The following PTPRD variants were observed in gnomAD, a reference collection of about 807,000 sequenced individuals.
PTPRD encodes the protein receptor-type tyrosine-protein phosphatase delta.
In PTPRD, 34 loss-of-function variants were observed where a neutral mutation model predicts 214.5. That is an observed-to-expected ratio of 0.16 (90% CI 0.12 to 0.21). The LOEUF (loss-of-function observed/expected upper bound fraction) is 0.21. Ranked by LOEUF, PTPRD falls within the 10% of genes least tolerant of loss-of-function variation. PTPRD has a pLI of 1.00. For synonymous variants in PTPRD, 1,128 were observed against 845.7 expected, an observed-to-expected ratio of 1.33 and a Z score of -5.79; for missense variants, 2,545 against 2,398.7, an observed-to-expected ratio of 1.06 and a Z score of -1.27.
At chr9:9,924,856 A>G (rs1188305610) in intron 5 of PTPRD, among the ~76,000 whole-genome samples, 1 of 152,112 alleles carries the variant, frequency 6.6e-6, no homozygotes, top group Non-Finnish European at 1.5e-5. Context: ...ATTTGTTGCT[A>G]GTAATGTTAG....
chr9:9,642,003 T>C (rs550260027), intron 7 of PTPRD, among the ~76,000 whole-genome samples: 5 of 151,314 alleles, frequency 3.3e-5, no homozygotes, highest in Admixed American at 1.3e-4. Context: ...TAGCAAAGAC[T>C]TGGAACCAAC....
intron 5 of PTPRD, among the ~76,000 whole-genome samples, chr9:9,786,280 T>C (rs1196407808): frequency 6.6e-6 from 1 of 150,736 alleles, no homozygotes; most frequent in Non-Finnish European, 1.5e-5. Flanking sequence ...ATGCCTACTC[T>C]AACCCATTAT....
chr9:10,148,860 T>C (rs2099041863), intron 3 of PTPRD, among the ~76,000 whole-genome samples: 1 of 152,212 alleles, frequency 6.6e-6, no homozygotes, highest in Non-Finnish European at 1.5e-5. Context: ...AGACACATTT[T>C]AAATAAGCAT....
In PTPRD at chr9:10,414,602, G is replaced by C. The variant is rs142730042; in HGVS notation, c.-599-73585C>G. On this transcript the variant is annotated intron_variant, in intron 2 of 45. Coordinates refer to ENST00000381196, the MANE Select transcript of PTPRD (RefSeq NM_002839.4). ...CCCATTACTGGCTATATGCCCAGAA[G>C]AATATAAATTATTCTACCATAAAGA... 6.4e-4 allele frequency among the ~76,000 whole-genome samples: 97 copies of C among 151,994 alleles called. 2 individuals are homozygous for C. The highest frequency in any genetic ancestry group is 2.2e-3 in the African/African-American group (92 of 41,512).
At position 9,107,759 on chromosome 9, in the gene PTPRD, A is replaced by T. The variant is rs1233811462; in HGVS notation, c.-143+75545T>A. Among the ~76,000 whole-genome samples, 5 of 152,188 alleles carry T rather than the reference A, an allele frequency of 3.3e-5. No homozygotes were observed. In the East Asian group the frequency reaches 7.7e-4, roughly 23 times the overall value. On this transcript the variant is annotated intron_variant, in intron 10 of 45. Coordinates refer to ENST00000381196, the MANE Select transcript of PTPRD (RefSeq NM_002839.4). ...TGTCTTTTGCTACAGAGATGATAGC[A>T]CATTCTTTATGATATACACTTAACT...
chr9:10,059,514 T>A (rs1044198593), intron 3 of PTPRD, among the ~76,000 whole-genome samples: 1 of 152,148 alleles, frequency 6.6e-6, no homozygotes, highest in Non-Finnish European at 1.5e-5. Context: ...TACTTTGGTA[T>A]ATATTAAAGG....
At chr9:8,350,490 T>A (rs1047975451) in intron 39 of PTPRD, among the ~76,000 whole-genome samples, 1 of 152,166 alleles carries the variant, frequency 6.6e-6, no homozygotes, top group African/African-American at 2.4e-5. Flanking sequence ...AAGATTGAGT[T>A]TTACGACTCA....
At position 8,440,167 on chromosome 9, in the gene PTPRD, T is replaced by A. The variant is rs113786278; in HGVS notation, c.3989-3478A>T. 6.2e-4 allele frequency among the ~76,000 whole-genome samples: 94 copies of A among 152,052 alleles called. 2 individuals are homozygous for A. The highest frequency in any genetic ancestry group is 2.2e-3 in the African/African-American group (90 of 41,482). On this transcript the variant is annotated intron_variant, in intron 34 of 45. Transcript: ENST00000381196. Reference sequence around the variant, plus strand: ...GAGATGAGCTTTCTCTTGGTGATATTCTTGAATCCTCTCTAACACCCCATT... The same window carrying A: ...GAGATGAGCTTTCTCTTGGTGATATACTTGAATCCTCTCTAACACCCCATT...
Position 8,696,596 on chromosome 9 carries a change from T to A in PTPRD, c.64+37184A>T, listed in dbSNP as rs988738660. Reference sequence around the variant, plus strand: ...CAGAAGAGGGGGCAGGGGAGAAAGATGAGTTAGGTTAGACGGAGAAAGAAT... The same window carrying A: ...CAGAAGAGGGGGCAGGGGAGAAAGAAGAGTTAGGTTAGACGGAGAAAGAAT... On this transcript the variant is annotated intron_variant, in intron 12 of 45. Transcript: ENST00000381196. Among the ~76,000 whole-genome samples the A allele has an allele frequency of 3.3e-5, 5 of 152,016 alleles. No individual in the cohort carries two copies. In the South Asian group the frequency reaches 1.0e-3, roughly 32 times the overall value.
At chr9:9,333,393 G>C (rs2043066594) in intron 9 of PTPRD, among the ~76,000 whole-genome samples, 2 of 150,676 alleles carry the variant, frequency 1.3e-5, no homozygotes, top group African/African-American at 4.9e-5. Context: ...AGAGAGTATG[G>C]ATTGTTTAGG....
At chr9:10,480,391 T>C (rs2099090007) in intron 2 of PTPRD, among the ~76,000 whole-genome samples, 1 of 152,260 alleles carries the variant, frequency 6.6e-6, no homozygotes, top group East Asian at 1.9e-4. Context: ...CAAGCTAGTA[T>C]TACAAGGGGA....
intron 9 of PTPRD, among the ~76,000 whole-genome samples, chr9:9,274,083 T>G (rs752910832): frequency 1.3e-5 from 2 of 151,188 alleles, no homozygotes; most frequent in Non-Finnish European, 3.0e-5. Flanking sequence ...ATACTATTTT[T>G]TTAAAATTCT....
chr9:10,065,192 A>AAAGAAAGAAAGAAAGAAAG (rs1567445453), intron 3 of PTPRD, among the ~76,000 whole-genome samples: 5 of 143,872 alleles, frequency 3.5e-5, no homozygotes, highest in Admixed American at 1.4e-4. Context: ...AGAAAGAAAG[A>AAAGAAAGAAAGAAAGAAAG]AAAGGATGCT....
chr9:10,596,966 T>C (rs1292881742), intron 2 of PTPRD, among the ~76,000 whole-genome samples: 3 of 151,542 alleles, frequency 2.0e-5, no homozygotes, highest in Admixed American at 6.6e-5. Context: ...TATTTATAGG[T>C]GTTTTTTAAA....
chr9:10,331,384 G>A (rs1597304315), intron 3 of PTPRD, among the ~76,000 whole-genome samples: 1 of 151,852 alleles, frequency 6.6e-6, no homozygotes, highest in Non-Finnish European at 1.5e-5. Flanking sequence ...AGACTGAAGA[G>A]AAGCCAGCAA....
Position 9,651,210 on chromosome 9 carries a change from C to T in PTPRD, c.-286-76429G>A, listed in dbSNP as rs139577115. On this transcript the variant is annotated intron_variant, in intron 7 of 45. Coordinates refer to ENST00000381196, the MANE Select transcript of PTPRD (RefSeq NM_002839.4). ...CCTAGAAAATTATTTTGGCTGTGTG[C>T]ATTTAACCTTATTTATAACACCAAT... is the stretch of plus-strand genomic sequence containing the variant. 7.1e-3 allele frequency among the ~76,000 whole-genome samples: 1,078 copies of T among 152,136 alleles called. 10 individuals are homozygous for T. Among genetic ancestry groups the T allele is most frequent in the African/African-American group, 0.025 (1,045 of 41,514 alleles).
intron 3 of PTPRD, among the ~76,000 whole-genome samples, chr9:10,056,107 G>C (rs1010623247): frequency 6.6e-6 from 1 of 151,826 alleles, no homozygotes; most frequent in African/African-American, 2.4e-5. Flanking sequence ...CGGACCATGA[G>C]GTCAGGAGTT....
intron 4 of PTPRD, among the ~76,000 whole-genome samples, chr9:9,940,298 C>T (rs987599034): frequency 2.6e-5 from 4 of 152,084 alleles, no homozygotes; most frequent in Admixed American, 2.6e-4. Context: ...TCATCTTCTC[C>T]CTTACCTCTG....
At chr9:9,316,916 T>A (rs1367511430) in intron 9 of PTPRD, among the ~76,000 whole-genome samples, 1 of 151,534 alleles carries the variant, frequency 6.6e-6, no homozygotes, top group Admixed American at 6.6e-5. Context: ...AGGAACAAAC[T>A]CTCTGTCTCT....
Sources: gnomAD v4.1 joint callset for allele counts (sites outside exome capture counted in the v4.1 genomes callset) on GRCh38, gnomAD v4.1.1 for gene constraint, MANE v1.5 for transcripts, NCBI Gene and HGNC (gene_info 2026-07-23, HGNC 2026-07-21) for gene names.